The following CCBE1 variants were observed in gnomAD, a reference collection of about 807,000 sequenced individuals.
The protein encoded by CCBE1 is collagen and calcium-binding EGF domain-containing protein 1.
CCBE1 carries 37 observed loss-of-function variants against 50.0 expected under a neutral mutation model. The observed-to-expected ratio is 0.74, with a 90% CI of 0.57 to 0.97. CCBE1 has a LOEUF of 0.97. Among genes scored for constraint, CCBE1 ranks in the 50% least tolerant of loss-of-function variants. The pLI, the probability that CCBE1 is intolerant of heterozygous loss-of-function variation, is 0.00. For synonymous variants in CCBE1, 234 were observed against 203.7 expected, an observed-to-expected ratio of 1.15 and a Z score of -1.27; for missense variants, 538 against 523.8, an observed-to-expected ratio of 1.03 and a Z score of -0.26.
At chr18:59,612,582 G>T (rs2053585051) in intron 2 of CCBE1, among the ~76,000 whole-genome samples, 1 of 152,250 alleles carries the variant, frequency 6.6e-6, no homozygotes, top group Non-Finnish European at 1.5e-5. Context: ...TTTATTATTT[G>T]TCAGGAACTG....
At chr18:59,486,317 CTCTT>C (rs1912822942) in intron 2 of CCBE1, among the ~76,000 whole-genome samples, 2 of 152,182 alleles carry the variant, frequency 1.3e-5, no homozygotes, top group East Asian at 3.8e-4. Flanking sequence ...TATGACTCAT[CTCTT>C]TCTTTCCACC....
chr18:59,440,857 T>C (rs1433064724), intron 7 of CCBE1, among the ~76,000 whole-genome samples: 2 of 152,158 alleles, frequency 1.3e-5, no homozygotes, highest in African/African-American at 2.4e-5. Context: ...GAGTAAGTAA[T>C]AGCAATCTAC....
At chr18:59,492,195 G>A (rs1019266194) in intron 2 of CCBE1, among the ~76,000 whole-genome samples, 3 of 151,040 alleles carry the variant, frequency 2.0e-5, no homozygotes, top group Admixed American at 2.0e-4. Context: ...GTAGCCAGAG[G>A]TCTATGGCAA....
intron 2 of CCBE1, among the ~76,000 whole-genome samples, chr18:59,607,275 C>T (rs61268092): frequency 0.011 from 1,709 of 152,242 alleles, 41 homozygotes; most frequent in African/African-American, 0.038. Context: ...ATGTAGAATA[C>T]GGCCCATAAG....
chr18:59,529,461 T>C (rs535270994), intron 2 of CCBE1, among the ~76,000 whole-genome samples: 1 of 152,352 alleles, frequency 6.6e-6, no homozygotes, highest in East Asian at 1.9e-4. Context: ...CACAGCTCTG[T>C]GCTTGGGACC....
At chr18:59,554,824 A>AGAAGGGGTAGGTTCCAGAGTGC (rs1273185235) in intron 2 of CCBE1, among the ~76,000 whole-genome samples, 7 of 151,730 alleles carry the variant, frequency 4.6e-5, no homozygotes, top group African/African-American at 1.5e-4. Context: ...TGGAGACAAA[A>AGAAGGGGTAGGTTCCAGAGTGC]GAAGGGGTAG....
intron 2 of CCBE1, among the ~76,000 whole-genome samples, chr18:59,487,752 G>A (rs1173837437): frequency 6.6e-6 from 1 of 152,160 alleles, no homozygotes; most frequent in Non-Finnish European, 1.5e-5. Context: ...TACAATTACT[G>A]ATGGTCAAGA....
chr18:59,454,851 C>CT lies in CCBE1; in HGVS notation c.653dup (p.Ile219AspfsTer10). ...TCGTTCCCACCCCAGCGGCACGTAC[C>CT]TTTTGCTTCAGCTGCAGCACGGTCT... is the stretch of plus-strand genomic sequence containing the variant. On this transcript the variant is annotated frameshift_variant and splice_region_variant, in exon 6 of 11. Transcript: ENST00000439986. LOFTEE classifies it high-confidence loss of function. 5 of 1,613,980 alleles carry CT rather than the reference C, an allele frequency of 3.1e-6. No homozygotes were observed. The highest frequency in any genetic ancestry group is 4.2e-6 in the Non-Finnish European group (5 of 1,179,814).
At chr18:59,690,385 T>C (rs2054713906) in intron 2 of CCBE1, among the ~76,000 whole-genome samples, 1 of 152,188 alleles carries the variant, frequency 6.6e-6, no homozygotes, top group Non-Finnish European at 1.5e-5. Context: ...TAAAACAGAA[T>C]GTGATCTTTG....
chr18:59,453,707 A>C (rs12052023), intron 6 of CCBE1, among the ~76,000 whole-genome samples: 41,867 of 152,036 alleles, frequency 0.28, 6,947 homozygotes, highest in East Asian at 0.69. Context: ...TTCAACAGGG[A>C]AGATACACCT....
chr18:59,536,728 A>G (rs1239927710), intron 2 of CCBE1, among the ~76,000 whole-genome samples: 3 of 152,110 alleles, frequency 2.0e-5, no homozygotes, highest in African/African-American at 7.2e-5. Context: ...AATGGCTGAC[A>G]TCTGTAATCT....
At chr18:59,632,170 G>A (rs1264601519) in intron 2 of CCBE1, among the ~76,000 whole-genome samples, 1 of 152,226 alleles carries the variant, frequency 6.6e-6, no homozygotes, top group African/African-American at 2.4e-5. Flanking sequence ...TCACTTCATT[G>A]ATGAGGAAAC....
chr18:59,580,324 GCTTTA>G (rs1013294355), intron 2 of CCBE1, among the ~76,000 whole-genome samples: 4 of 152,132 alleles, frequency 2.6e-5, no homozygotes, highest in South Asian at 2.1e-4. Flanking sequence ...AAGTTGTCCC[GCTTTA>G]CTTTGAGTTG....
chr18:59,660,185 T>A (rs140801122), intron 2 of CCBE1, among the ~76,000 whole-genome samples: 1 of 152,324 alleles, frequency 6.6e-6, no homozygotes, highest in Non-Finnish European at 1.5e-5. Context: ...GGAAGGGATA[T>A]CTTTTCCCAG....
intron 2 of CCBE1, among the ~76,000 whole-genome samples, chr18:59,654,060 A>G (rs1164650928): frequency 6.6e-6 from 1 of 152,232 alleles, no homozygotes; most frequent in Non-Finnish European, 1.5e-5. Flanking sequence ...TTGGAAAAAA[A>G]AGATTAGCAT....
chr18:59,571,747 T>A (rs1470333856), intron 2 of CCBE1, among the ~76,000 whole-genome samples: 1 of 152,058 alleles, frequency 6.6e-6, no homozygotes, highest in African/African-American at 2.4e-5. Context: ...GTTGATTTAA[T>A]CTCTTAATAT....
chr18:59,590,494 G>T (rs1432041478), intron 2 of CCBE1, among the ~76,000 whole-genome samples: 1 of 150,830 alleles, frequency 6.6e-6, no homozygotes, highest in African/African-American at 2.4e-5. Context: ...TCAAATTTTT[G>T]TTTTTTTATG....
At chr18:59,525,418 AT>A (rs766462526) in intron 2 of CCBE1, among the ~76,000 whole-genome samples, 1 of 151,872 alleles carries the variant, frequency 6.6e-6, no homozygotes, top group African/African-American at 2.4e-5. Flanking sequence ...TTTTAATTAG[AT>A]TTTTTTTCCT....
rs1599119894 is a variant in CCBE1 at position 59,668,966 on chromosome 18, TG to T, written c.212+27662del. 2.6e-5 allele frequency among the ~76,000 whole-genome samples: 4 copies of T among 151,638 alleles called. No individual in the cohort carries two copies. In the East Asian group the frequency reaches 7.8e-4, roughly 29 times the overall value. ...CAGCCTCCAGAGTAGCTGGGATTAC[TG>T]GGATTACAGACACACGCCACAACAC... On this transcript the variant is annotated intron_variant, in intron 2 of 10. Coordinates refer to ENST00000439986, the MANE Select transcript of CCBE1 (RefSeq NM_133459.4).
Sources: allele counts gnomAD v4.1 joint callset (sites outside exome capture counted in the v4.1 genomes callset), GRCh38; gene constraint gnomAD v4.1.1; transcripts MANE v1.5; gene names NCBI Gene and HGNC (gene_info 2026-07-23, HGNC 2026-07-21).